Variants in LHPP observed in about 807,000 individuals in gnomAD.
LHPP encodes hLHPP.
LHPP carries 24 observed loss-of-function variants against 30.3 expected under a neutral mutation model. That is an observed-to-expected ratio of 0.79 (90% confidence interval 0.57 to 1.11). The LOEUF (loss-of-function observed/expected upper bound fraction) is 1.11. LHPP is among the 50% of genes most tolerant of loss of function. The pLI is 0.00. For missense variants in LHPP, 356 were observed against 367.2 expected, an observed-to-expected ratio of 0.97 and a Z score of 0.25; for synonymous variants, 150 against 157.1, an observed-to-expected ratio of 0.95 and a Z score of 0.34.
At chr10:124,520,206 G>T (rs147273332) in intron 6 of LHPP, among the ~76,000 whole-genome samples, 115 of 152,074 alleles carry the variant, frequency 7.6e-4, no homozygotes, top group African/African-American at 2.7e-3. Context: ...CATGTATCAT[G>T]GGGGTTTATT....
chr10:124,610,995 AGGGTGTTAATGAAGCGGGTGC>A (rs1411882028), intron 6 of LHPP, among the ~76,000 whole-genome samples: 25 of 35,874 alleles, frequency 7.0e-4, no homozygotes, highest in Middle Eastern at 0.016. Context: ...GGAGCGGGTG[AGGGTGTTAATGAAGCGGGTGC>A]GGGTGAGGGT....
At chr10:124,526,457 C>A (rs917451035) in intron 6 of LHPP, among the ~76,000 whole-genome samples, 7 of 152,186 alleles carry the variant, frequency 4.6e-5, no homozygotes, top group Non-Finnish European at 8.8e-5. Context: ...GGATTCGAAC[C>A]CACCTCTGCC....
intron 6 of LHPP, among the ~76,000 whole-genome samples, chr10:124,603,417 C>A (rs1182311900): frequency 1.3e-5 from 2 of 152,076 alleles, no homozygotes; most frequent in Non-Finnish European, 2.9e-5. Flanking sequence ...CTCAGCTGGG[C>A]CAGTGGGAAA....
chr10:124,578,226 A>G (rs183767729), intron 6 of LHPP, among the ~76,000 whole-genome samples: 2 of 152,308 alleles, frequency 1.3e-5, no homozygotes, highest in Non-Finnish European at 2.9e-5. Context: ...TTCCCAGGGC[A>G]TTTGCAAGGG....
chr10:124,605,911 C>G (rs12777136), intron 6 of LHPP, among the ~76,000 whole-genome samples: 3 of 151,456 alleles, frequency 2.0e-5, no homozygotes. Flanking sequence ...GGGCCCGGGT[C>G]ACCCTGTGGG....
At chr10:124,569,594 G>A (rs1253620988) in intron 6 of LHPP, among the ~76,000 whole-genome samples, 2 of 152,210 alleles carry the variant, frequency 1.3e-5, no homozygotes, top group Admixed American at 1.3e-4. Flanking sequence ...TCATTCACTC[G>A]GCCAGGATTT....
chr10:124,536,152 G>A (rs1182079772), intron 6 of LHPP, among the ~76,000 whole-genome samples: 1 of 152,246 alleles, frequency 6.6e-6, no homozygotes, highest in African/African-American at 2.4e-5. Flanking sequence ...TTCCACCCCT[G>A]CCGCGTGTGC....
At chr10:124,535,660 G>A (rs1024955045) in intron 6 of LHPP, among the ~76,000 whole-genome samples, 24 of 151,572 alleles carry the variant, frequency 1.6e-4, no homozygotes, top group Admixed American at 8.5e-4. Context: ...CTCCCACATC[G>A]GGATCCCAAA....
At chr10:124,497,095 G>A in intron 4 of LHPP, 71 bp downstream of exon 4, 1 of 1,219,344 alleles carries the variant, frequency 8.2e-7, no homozygotes, top group Non-Finnish European at 1.2e-6. Context: ...GGTCTTTGTT[G>A]AGAAGAGGCT....
intron 6 of LHPP, among the ~76,000 whole-genome samples, chr10:124,548,961 C>T (rs962733241): frequency 2.0e-5 from 3 of 152,176 alleles, no homozygotes; most frequent in South Asian, 2.1e-4. Flanking sequence ...GGACAGCCAG[C>T]GGGACATTCC....
At position 124,484,276 on chromosome 10, in the gene LHPP, G is replaced by C. The variant is rs903050576; in HGVS notation, c.263G>C (p.Cys88Ser). ...GTGACCGCCCCGGCACCAGCTGCCT[G>C]CCAGATCCTGAAGGAGCAAGGCCTG... The part of the protein sequence containing the change: ...QEVTAPAPAA[C>S]QILKEQGLRP... The change falls in exon 2 of 7, where the codon TGC becomes TCC. Residue 88 changes from cysteine (C) to serine (S), a missense_variant. Cys to Ser is a moderately radical substitution (Grantham distance 112). Transcript: ENST00000368842. 1.2e-6 allele frequency: 2 copies of C among 1,613,976 alleles called. No individual in the cohort carries two copies. The highest frequency in any genetic ancestry group is 1.3e-5 in the African/African-American group (1 of 75,042).
At chr10:124,562,860 A>T (rs1034391295) in intron 6 of LHPP, among the ~76,000 whole-genome samples, 7 of 151,716 alleles carry the variant, frequency 4.6e-5, no homozygotes, top group African/African-American at 1.7e-4. Context: ...TGAACTGGGG[A>T]GGCAGAGGTT....
At chr10:124,520,361 A>G (rs149361100) in intron 6 of LHPP, among the ~76,000 whole-genome samples, 1,624 of 152,180 alleles carry the variant, frequency 0.011, 11 homozygotes, top group Admixed American at 0.019. Flanking sequence ...TGCTGTAGGA[A>G]AGGAATCAGT....
chr10:124,506,654 T>G (rs1346051661), intron 5 of LHPP, among the ~76,000 whole-genome samples: 2 of 119,052 alleles, frequency 1.7e-5, no homozygotes, highest in Admixed American at 9.0e-5. Flanking sequence ...GTGGGGAGGG[T>G]AGGGAGGATT....
chr10:124,550,228 C>G (rs10901758), intron 6 of LHPP, among the ~76,000 whole-genome samples: 81,058 of 152,198 alleles, frequency 0.53, 22,373 homozygotes, highest in East Asian at 0.75. Flanking sequence ...CTCATACCCT[C>G]TCTCCTGACC....
intron 6 of LHPP, among the ~76,000 whole-genome samples, chr10:124,610,069 G>A (rs1203996367): frequency 6.6e-6 from 1 of 152,214 alleles, no homozygotes; most frequent in African/African-American, 2.4e-5. Context: ...TTTCCAATGT[G>A]GCCCGTACCA....
rs1382357127 is a variant in LHPP, at chr10:124,523,082, G to C, written c.716+5811G>C. 6.6e-6 allele frequency among the ~76,000 whole-genome samples: 1 copy of C among 152,230 alleles called. No individual in the cohort carries two copies. The highest frequency in any genetic ancestry group is 1.9e-4 in the East Asian group (1 of 5,188). On this transcript the variant is annotated intron_variant, in intron 6 of 6. Transcript: ENST00000368842. This position sits in a 1 kb window ranked among gnomAD's most constrained non-coding sequence, Gnocchi z 4.2. ...AGTCAAAGGCGCCACTGCCTGGGAA[G>C]CCCCTGCGCTAGTCCTGGTGCTGCT...
At chr10:124,467,118 TAA>T (rs386362126) in intron 1 of LHPP, among the ~76,000 whole-genome samples, 2 of 63,612 alleles carry the variant, frequency 3.1e-5, no homozygotes, top group East Asian at 2.3e-3. Flanking sequence ...AGTGAGACTC[TAA>T]AAAAAAAAAC....
At chr10:124,548,374 A>G (rs1955403698) in intron 6 of LHPP, among the ~76,000 whole-genome samples, 1 of 152,004 alleles carries the variant, frequency 6.6e-6, no homozygotes, top group African/African-American at 2.4e-5. Context: ...AGCTCCAGGG[A>G]GCTCCACCAT....
Sources: gnomAD v4.1 joint callset for allele counts (sites outside exome capture counted in the v4.1 genomes callset) on GRCh38, gnomAD v4.1.1 for gene constraint, Gnocchi (gnomAD v3.1) non-coding constraint, MANE v1.5 for transcripts, NCBI Gene and HGNC (gene_info 2026-07-23, HGNC 2026-07-21) for gene names.